The following RASA3 variants were observed in gnomAD, a reference collection of about 807,000 sequenced individuals.
RASA3 encodes the protein RAS p21 protein activator 3, also known as ras GTPase-activating protein 3.
RASA3 carries 73 observed loss-of-function variants against 110.0 expected under a neutral mutation model. That is an observed-to-expected ratio of 0.66 (90% CI 0.55 to 0.81). The LOEUF (loss-of-function observed/expected upper bound fraction) is 0.81. Ranked by LOEUF, RASA3 falls within the 30% of genes least tolerant of loss-of-function variation. The pLI, the probability that RASA3 is intolerant of heterozygous loss-of-function variation, is 0.00. For missense variants in RASA3, 976 were observed against 1,113.2 expected, an observed-to-expected ratio of 0.88 and a Z score of 1.75; for synonymous variants, 500 against 451.4, an observed-to-expected ratio of 1.11 and a Z score of -1.37.
At chr13:114,110,581 C>T (rs924760094) in intron 1 of RASA3, among the ~76,000 whole-genome samples, 2 of 152,192 alleles carry the variant, frequency 1.3e-5, no homozygotes. Context: ...GCAGCTGTGG[C>T]CCAGCGTGAG....
At position 114,114,797 on chromosome 13, in the gene RASA3, C is replaced by T. The variant is rs1416777015; in HGVS notation, c.55+17638G>A. ...ACTTGGCTTTGATTTTTCAACCACC[C>T]GCCCTCATGTGCAGGGACAGGGCAG... On this transcript the variant is annotated intron_variant, in intron 1 of 23. Coordinates refer to ENST00000334062, the MANE Select transcript of RASA3 (RefSeq NM_007368.4). The surrounding 1 kb of genome is among the most constrained non-coding windows in gnomAD (Gnocchi z 4.8). Among the ~76,000 whole-genome samples the T allele has an allele frequency of 3.3e-5, 5 of 152,216 alleles. No homozygotes were observed. The highest frequency in any genetic ancestry group is 3.8e-4 in the East Asian group (2 of 5,200).
chr13:114,022,696 T>C (rs1264887136), intron 8 of RASA3, among the ~76,000 whole-genome samples: 2 of 152,182 alleles, frequency 1.3e-5, no homozygotes, highest in African/African-American at 2.4e-5. Flanking sequence ...ATGGACACTT[T>C]AAAAAAATGT....
intron 23 of RASA3, among the ~76,000 whole-genome samples, chr13:113,980,027 C>T (rs1319813311): frequency 7.2e-6 from 1 of 139,762 alleles, no homozygotes; most frequent in African/African-American, 2.7e-5. Flanking sequence ...CACGTGTGCA[C>T]CTGTGTGTGC....
At chr13:114,063,914 A>AATGTCCATCTT (rs1282254784) in intron 2 of RASA3, among the ~76,000 whole-genome samples, 1 of 152,216 alleles carries the variant, frequency 6.6e-6, no homozygotes, top group Non-Finnish European at 1.5e-5. Flanking sequence ...GGTGAGGTGG[A>AATGTCCATCTT]ATGTCCATCT....
chr13:114,027,034 C>T (rs1165159952), intron 7 of RASA3, among the ~76,000 whole-genome samples: 1 of 152,256 alleles, frequency 6.6e-6, no homozygotes, highest in Non-Finnish European at 1.5e-5. Flanking sequence ...ACAAAAACCC[C>T]CAAGGTCCTG....
chr13:114,061,884 A>C (rs1043623533), intron 2 of RASA3, among the ~76,000 whole-genome samples: 1 of 152,066 alleles, frequency 6.6e-6, no homozygotes, highest in African/African-American at 2.4e-5. Flanking sequence ...TCCATCTCAG[A>C]CTCAACAGGG....
intron 4 of RASA3, 122 bp downstream of exon 4, chr13:114,040,878 C>T (rs1364117379): frequency 1.0e-5 from 9 of 903,016 alleles, no homozygotes; most frequent in South Asian, 6.1e-5. Context: ...ATCTGCTCAT[C>T]GTTATTCCCA....
At chr13:114,027,337 C>G in intron 7 of RASA3, 52 bp downstream of exon 7, 2 of 1,402,428 alleles carry the variant, frequency 1.4e-6, no homozygotes, top group Non-Finnish European at 2.0e-6. Context: ...TTTCTGCCAA[C>G]GTGTCTCGGG....
intron 22 of RASA3, among the ~76,000 whole-genome samples, chr13:113,989,992 T>C (rs1242531315): frequency 6.6e-6 from 1 of 152,160 alleles, no homozygotes; most frequent in Non-Finnish European, 1.5e-5. Flanking sequence ...GAGGGGATCA[T>C]GGGGACAGAC....
Position 114,120,544 on chromosome 13 carries a change from C to T in RASA3, c.55+11891G>A, listed in dbSNP as rs533347872. 4.5e-5 allele frequency among the ~76,000 whole-genome samples: 5 copies of T among 110,682 alleles called. No individual in the cohort carries two copies. In the East Asian group the frequency reaches 1.3e-3, roughly 28 times the overall value. The allele number at this position is 110,682 out of a possible 152,430, so 72.6% of individuals were successfully genotyped here. On this transcript the variant is annotated intron_variant, in intron 1 of 23. Coordinates refer to ENST00000334062, the MANE Select transcript of RASA3 (RefSeq NM_007368.4). ...CAGACGTCGGTCAGGGCCCCTCCCT[C>T]TCTCCAGCCAGGCGTCGATCAGGGC...
chr13:114,024,255 G>A, intron 8 of RASA3, 24 bp downstream of exon 8: 1 of 1,610,038 alleles, frequency 6.2e-7, no homozygotes, highest in South Asian at 1.1e-5. Flanking sequence ...GCCAAGTTGG[G>A]GACGCGGAGC....
intron 2 of RASA3, among the ~76,000 whole-genome samples, 178 bp from the exon 3 acceptor site, chr13:114,052,333 C>T (rs907612265): frequency 6.6e-6 from 1 of 152,182 alleles, no homozygotes; most frequent in South Asian, 2.1e-4. Flanking sequence ...AGCTGCTCCC[C>T]GGCCTCCACC....
intron 21 of RASA3, among the ~76,000 whole-genome samples, chr13:113,995,197 C>T (rs187327493): frequency 2.0e-4 from 30 of 152,330 alleles, no homozygotes; most frequent in African/African-American, 4.1e-4. Context: ...CGGTCGGCTG[C>T]GGGTGGGGAC....
In RASA3 at chr13:114,057,437, A is replaced by G. The variant is rs2079264615; in HGVS notation, c.174-5282T>C. 1 of 985,392 alleles carries G rather than the reference A, an allele frequency of 1.0e-6. No homozygotes were observed. Among genetic ancestry groups the G allele is most frequent in the Non-Finnish European group, 1.2e-6 (1 of 829,922 alleles). The allele number at this position is 985,392 out of a possible 1,614,324, so 61.0% of individuals were successfully genotyped here. A position where few individuals can be genotyped will look rare whatever the true frequency, so the allele number is the denominator to read the frequency against. ...ACAGGCCTTGCACTCATTTTAATGA[A>G]GGCTCTGCAGGATTTCAAGGAAAGC... On this transcript the variant is annotated intron_variant, in intron 2 of 23. Transcript: ENST00000334062. This position sits in a 1 kb window ranked among gnomAD's most constrained non-coding sequence, Gnocchi z 5.0.
chr13:114,004,749 T>C (rs8000391), intron 18 of RASA3, among the ~76,000 whole-genome samples: 106,707 of 152,158 alleles, frequency 0.7, 38,151 homozygotes, highest in African/African-American at 0.85. Context: ...AAGGCAGAGC[T>C]GCCATTCGAT....
intron 2 of RASA3, among the ~76,000 whole-genome samples, chr13:114,072,426 T>C (rs2079587518): frequency 6.6e-6 from 1 of 152,222 alleles, no homozygotes; most frequent in African/African-American, 2.4e-5. Context: ...CCTCAAATCA[T>C]ATCAATAAAC....
At chr13:114,102,702 G>A (rs377621673) in intron 1 of RASA3, among the ~76,000 whole-genome samples, 130 of 152,290 alleles carry the variant, frequency 8.5e-4, no homozygotes, top group East Asian at 6.8e-3. Context: ...AGGCTGCGGC[G>A]TCACTGCCTG....
chr13:114,040,806 G>A (rs1436540801), intron 4 of RASA3, among the ~76,000 whole-genome samples, 194 bp downstream of exon 4: 4 of 151,066 alleles, frequency 2.6e-5, no homozygotes, highest in Admixed American at 6.6e-5. Context: ...AGGCGAACAC[G>A]CACAACCCAA....
chr13:114,052,779 A>G (rs1362636442), intron 2 of RASA3, among the ~76,000 whole-genome samples: 25 of 132,068 alleles, frequency 1.9e-4, no homozygotes, highest in African/African-American at 5.5e-4. Flanking sequence ...TGGGGGAGAG[A>G]CCCCCGCTGC....
Sources: gnomAD v4.1 joint callset for allele counts (sites outside exome capture counted in the v4.1 genomes callset) on GRCh38, gnomAD v4.1.1 for gene constraint, Gnocchi (gnomAD v3.1) non-coding constraint, MANE v1.5 for transcripts, NCBI Gene and HGNC (gene_info 2026-07-23, HGNC 2026-07-21) for gene names.